The following RXFP1 variants were observed in gnomAD, a reference collection of about 807,000 sequenced individuals.
The protein encoded by RXFP1 is relaxin receptor 1.
Under a neutral mutation model 89.8 loss-of-function variants are expected in RXFP1, and 73 were observed. The ratio of observed to expected loss-of-function variants is 0.81; its 90% CI spans 0.67 to 0.99. The LOEUF (loss-of-function observed/expected upper bound fraction) is 0.99. Ranked by LOEUF, RXFP1 falls within the 50% of genes least tolerant of loss-of-function variation. RXFP1 has a pLI of 0.00. For synonymous variants in RXFP1, 277 were observed against 305.5 expected, an observed-to-expected ratio of 0.91 and a Z score of 0.97; for missense variants, 793 against 895.5, an observed-to-expected ratio of 0.89 and a Z score of 1.46.
At chr4:158,591,413 G>A (rs1759438374) in intron 2 of RXFP1, among the ~76,000 whole-genome samples, 1 of 152,006 alleles carries the variant, frequency 6.6e-6, no homozygotes, top group Admixed American at 6.6e-5. Flanking sequence ...GCTGGTTTCT[G>A]GGGCACTGTC....
At chr4:158,602,570 AAAGAAGTTGGTTGCCTC>A (rs1761881550) in intron 4 of RXFP1, among the ~76,000 whole-genome samples, 2 of 152,152 alleles carry the variant, frequency 1.3e-5, no homozygotes, top group South Asian at 4.1e-4. Context: ...ACAAAAAAAA[AAAGAAGTTGGTTGCCTC>A]ATTAGCCCCG....
In RXFP1 at chr4:158,626,144, A is replaced by ATAGT. The variant is rs1554019508; in HGVS notation, c.756-673_756-672insTTAG. On this transcript the variant is annotated intron_variant, in intron 9 of 17. Transcript: ENST00000307765. ...GATAGATAGATAGATAGATAGATAG[A>ATAGT]TAGATAGATAGATAGATAGATAGAT... 2.0e-3 allele frequency among the ~76,000 whole-genome samples: 293 copies of ATAGT among 148,834 alleles called. 1 individual carries two copies. The highest frequency in any genetic ancestry group is 3.0e-3 in the Non-Finnish European group (202 of 67,344).
At position 158,652,088 on chromosome 4, in the gene RXFP1, A is replaced by T; in HGVS notation, c.*33A>T. The T allele has an allele frequency of 6.4e-7, 1 of 1,553,566 alleles. No homozygotes were observed. The highest frequency in any genetic ancestry group is 8.7e-7 in the Non-Finnish European group (1 of 1,145,916). On this transcript the variant is annotated 3_prime_UTR_variant, in exon 18 of 18. Transcript: ENST00000307765. ...TGAAATTCATTTCTTCGCAGAGAAT[A>T]CTGTGGGGGTGCTTCATGAGGGATT...
In RXFP1 at chr4:158,628,647, G is replaced by GA; in HGVS notation, c.842dup (p.Asn281LysfsTer4). 1 of 1,549,412 alleles carries GA rather than the reference G, an allele frequency of 6.5e-7. No individual in the cohort carries two copies. Among genetic ancestry groups the GA allele is most frequent in the Non-Finnish European group, 8.9e-7 (1 of 1,126,692 alleles). ...TTCTTTTTACTTTCAGAGTGATGAG[G>GA]AAAAACAAAATTAATCACTTAAATG... On this transcript the variant is annotated frameshift_variant, in exon 11 of 18. Coordinates refer to ENST00000307765, the MANE Select transcript of RXFP1 (RefSeq NM_021634.4). LOFTEE classifies it high-confidence loss of function.
At chr4:158,529,244 T>TTGTTG (rs1743379741) in intron 1 of RXFP1, among the ~76,000 whole-genome samples, 2 of 109,994 alleles carry the variant, frequency 1.8e-5, no homozygotes, top group African/African-American at 7.5e-5. Context: ...TTGCTTGTTT[T>TTGTTG]TTGTTGTTGT....
intron 6 of RXFP1, among the ~76,000 whole-genome samples, chr4:158,610,841 G>A (rs1763446372): frequency 6.6e-6 from 1 of 152,208 alleles, no homozygotes; most frequent in African/African-American, 2.4e-5. Flanking sequence ...CTATCATGGG[G>A]TGCCATTGCT....
chr4:158,637,761 A>G (rs1343115962), intron 12 of RXFP1, among the ~76,000 whole-genome samples: 1 of 151,910 alleles, frequency 6.6e-6, no homozygotes, highest in African/African-American at 2.4e-5. Context: ...CATCTATTTC[A>G]CTTTTGTTGC....
chr4:158,615,171 C>T (rs779469116), intron 8 of RXFP1, among the ~76,000 whole-genome samples: 5 of 152,154 alleles, frequency 3.3e-5, no homozygotes, highest in Non-Finnish European at 5.9e-5. Flanking sequence ...AATAAAAAGG[C>T]CTGAGGAGAG....
chr4:158,613,775 T>C (rs1282533298), intron 8 of RXFP1, among the ~76,000 whole-genome samples: 1 of 152,242 alleles, frequency 6.6e-6, no homozygotes, highest in African/African-American at 2.4e-5. Context: ...TTTTCATGAA[T>C]CACAAATGTT....
chr4:158,642,380 T>A (rs531405047), intron 14 of RXFP1, among the ~76,000 whole-genome samples: 21 of 152,330 alleles, frequency 1.4e-4, no homozygotes, highest in African/African-American at 5.1e-4. Flanking sequence ...TGGTATAGAA[T>A]ATGAGAACTT....
intron 4 of RXFP1, among the ~76,000 whole-genome samples, chr4:158,600,544 T>C (rs1761485784): frequency 6.6e-6 from 1 of 152,144 alleles, no homozygotes; most frequent in Admixed American, 6.6e-5. Context: ...AAAAAAGTAA[T>C]AATTCCCCAA....
At chr4:158,579,419 C>G (rs1756897956) in intron 2 of RXFP1, among the ~76,000 whole-genome samples, 1 of 152,196 alleles carries the variant, frequency 6.6e-6, no homozygotes, top group Non-Finnish European at 1.5e-5. Context: ...AGGCGCATGC[C>G]ACCACCCCCA....
chr4:158,599,408 G>T lies in RXFP1; in HGVS notation c.369G>T (p.Ser123=). ...AAACCAATTTACGAGCTGTTCCATC[G>T]GTTTCTTCAAATGTGACTGCAATGT... ...CDETNLRAVP[S]VSSNVTAMSL... is the part of the protein sequence containing the mutation. Residue 123 remains serine (S), a synonymous_variant, in exon 4 of 18, where the codon TCG becomes TCT. Transcript: ENST00000307765. The T allele has an allele frequency of 6.2e-7, 1 of 1,613,196 alleles. No homozygotes were observed. Among genetic ancestry groups the T allele is most frequent in the Non-Finnish European group, 8.5e-7 (1 of 1,179,478 alleles).
chr4:158,588,958 C>A (rs1758829250), intron 2 of RXFP1, among the ~76,000 whole-genome samples: 1 of 152,188 alleles, frequency 6.6e-6, no homozygotes, highest in Non-Finnish European at 1.5e-5. Context: ...CTGTATTAGT[C>A]CGCTCTCACG....
intron 1 of RXFP1, chr4:158,544,421 A>G: frequency 1.1e-6 from 1 of 904,020 alleles, no homozygotes; most frequent in Non-Finnish European, 1.3e-6. Flanking sequence ...GTTAGAAGCT[A>G]TAATTGACCT....
chr4:158,578,393 A>T (rs1403958483), intron 2 of RXFP1, among the ~76,000 whole-genome samples: 1 of 152,254 alleles, frequency 6.6e-6, no homozygotes, highest in African/African-American at 2.4e-5. Context: ...TTTTTCAGCT[A>T]GAACTATGAT....
At chr4:158,541,734 T>G (rs902874233) in intron 1 of RXFP1, among the ~76,000 whole-genome samples, 1 of 152,110 alleles carries the variant, frequency 6.6e-6, no homozygotes, top group Non-Finnish European at 1.5e-5. Context: ...GACGACATTA[T>G]GACCCTTCGC....
rs1268133800 is a variant in RXFP1 at position 158,626,161 on chromosome 4, T to C, written c.756-659T>C. Among the ~76,000 whole-genome samples the C allele has an allele frequency of 2.7e-5, 4 of 150,258 alleles. No individual in the cohort carries two copies. The East Asian group carries it at 7.8e-4, about 29-fold the overall frequency. ...ATAGATAGATAGATAGATAGATAGA[T>C]AGATAGATAGATAGATGTAGAGATA... is the stretch of plus-strand genomic sequence containing the variant. On this transcript the variant is annotated intron_variant, in intron 9 of 17. Coordinates refer to ENST00000307765, the MANE Select transcript of RXFP1 (RefSeq NM_021634.4).
rs185990241 is a variant in RXFP1, at chr4:158,583,868, A to G, written c.188-9533A>G. On this transcript the variant is annotated intron_variant, in intron 2 of 17. Coordinates refer to ENST00000307765, the MANE Select transcript of RXFP1 (RefSeq NM_021634.4). ...GATAATGTCACATCCTTTGATTTCC[A>G]TAAACAGTTGCCTCCAAAAGGTATT... Among the ~76,000 whole-genome samples the G allele has an allele frequency of 7.9e-5, 12 of 152,320 alleles. No individual in the cohort carries two copies. The East Asian group carries it at 2.3e-3, about 29-fold the overall frequency.
Sources: allele counts gnomAD v4.1 joint callset (sites outside exome capture counted in the v4.1 genomes callset), GRCh38; gene constraint gnomAD v4.1.1; transcripts MANE v1.5; gene names NCBI Gene and HGNC (gene_info 2026-07-23, HGNC 2026-07-21).